The following GRM7 variants were observed in gnomAD, a reference collection of about 807,000 sequenced individuals.
GRM7 encodes glutamate metabotropic receptor 7.
A neutral mutation model predicts 84.5 loss-of-function variants in GRM7; 35 were observed. That is an observed-to-expected ratio of 0.41 (90% CI 0.32 to 0.55). The LOEUF is 0.55. Among genes scored for constraint, GRM7 ranks in the 20% least tolerant of loss-of-function variants. GRM7 has a pLI of 0.19. For synonymous variants in GRM7, 487 were observed against 455.1 expected (o/e 1.07, Z -0.89); for missense variants, 1,003 against 1,194.6 (o/e 0.84, Z 2.36).
At chr3:7,116,136 C>T (rs1213065696) in intron 1 of GRM7, among the ~76,000 whole-genome samples, 1 of 152,134 alleles carries the variant, frequency 6.6e-6, no homozygotes, top group African/African-American at 2.4e-5. Flanking sequence ...GACGGAAATA[C>T]TCAGACTGTA....
chr3:7,235,189 C>T (rs533050846), intron 2 of GRM7, among the ~76,000 whole-genome samples: 1 of 152,178 alleles, frequency 6.6e-6, no homozygotes, highest in African/African-American at 2.4e-5. Context: ...GCAGGATCTG[C>T]GAGTGCCTTC....
chr3:6,971,200 C>CA (rs1475536952), intron 1 of GRM7, among the ~76,000 whole-genome samples: 1 of 151,004 alleles, frequency 6.6e-6, no homozygotes, highest in African/African-American at 2.4e-5. Context: ...AAAATAACAA[C>CA]AAAGCACTTT....
intron 1 of GRM7, among the ~76,000 whole-genome samples, chr3:7,141,828 G>GAATT (rs1463608884): frequency 6.6e-6 from 1 of 151,846 alleles, no homozygotes; most frequent in African/African-American, 2.4e-5. Context: ...TGTCATTAAA[G>GAATT]AATTATTAAT....
chr3:7,290,757 C>G (rs1699592079), intron 2 of GRM7, among the ~76,000 whole-genome samples: 2 of 152,160 alleles, frequency 1.3e-5, no homozygotes, highest in South Asian at 4.1e-4. Context: ...AAAATGCTCT[C>G]TACATTCTGG....
chr3:7,441,343 T>C (rs181148682), intron 5 of GRM7, among the ~76,000 whole-genome samples: 76 of 152,254 alleles, frequency 5.0e-4, no homozygotes, highest in African/African-American at 1.7e-3. Flanking sequence ...GATTATTTGG[T>C]TTTTGCTTGT....
chr3:7,181,231 T>C (rs1695327459), intron 2 of GRM7, among the ~76,000 whole-genome samples: 1 of 152,322 alleles, frequency 6.6e-6, no homozygotes, highest in East Asian at 1.9e-4. Context: ...AGGGGACATA[T>C]GGCATCCCAT....
intron 5 of GRM7, among the ~76,000 whole-genome samples, chr3:7,426,198 C>G (rs1696603824): frequency 6.6e-6 from 1 of 152,002 alleles, no homozygotes; most frequent in Non-Finnish European, 1.5e-5. Context: ...CGGCTCACCA[C>G]AACCTCTGTC....
chr3:7,645,257 A>C (rs1237749054), intron 8 of GRM7, among the ~76,000 whole-genome samples: 1 of 152,036 alleles, frequency 6.6e-6, no homozygotes, highest in Admixed American at 6.6e-5. Context: ...TGAATTTTCT[A>C]CTGTCAGTTG....
intron 9 of GRM7, among the ~76,000 whole-genome samples, chr3:7,706,741 A>G (rs748435909): frequency 6.6e-6 from 1 of 152,182 alleles, no homozygotes; most frequent in Admixed American, 6.5e-5. Context: ...CTGGTGCTCC[A>G]TTATGTTTGC....
At chr3:7,701,698 C>T (rs1701236001) in intron 9 of GRM7, among the ~76,000 whole-genome samples, 1 of 152,052 alleles carries the variant, frequency 6.6e-6, no homozygotes, top group Admixed American at 6.6e-5. Context: ...CAGAAAACTC[C>T]CTGTGGATGG....
At chr3:6,978,635 TA>T (rs1173315276) in intron 1 of GRM7, among the ~76,000 whole-genome samples, 1 of 152,200 alleles carries the variant, frequency 6.6e-6, no homozygotes, top group African/African-American at 2.4e-5. Flanking sequence ...TGTTTTATCT[TA>T]CCACTTTTCT....
intron 1 of GRM7, among the ~76,000 whole-genome samples, chr3:6,881,632 A>G (rs1471197138): frequency 1.3e-5 from 2 of 152,146 alleles, no homozygotes; most frequent in African/African-American, 2.4e-5. Context: ...GGCAAAGGAC[A>G]TGAACAGATA....
At chr3:6,869,309 A>C (rs977558898) in intron 1 of GRM7, among the ~76,000 whole-genome samples, 2 of 152,182 alleles carry the variant, frequency 1.3e-5, no homozygotes, top group Non-Finnish European at 2.9e-5. Flanking sequence ...GTATAATAAA[A>C]ATGTACCTGT....
At chr3:7,331,083 T>C (rs1485055290) in intron 4 of GRM7, among the ~76,000 whole-genome samples, 1 of 152,218 alleles carries the variant, frequency 6.6e-6, no homozygotes, top group Non-Finnish European at 1.5e-5. Flanking sequence ...GTTACCTGTG[T>C]TCCCCAGGAG....
intron 9 of GRM7, among the ~76,000 whole-genome samples, chr3:7,691,743 G>A (rs767701849): frequency 3.9e-5 from 6 of 151,986 alleles, no homozygotes; most frequent in Admixed American, 2.6e-4. Flanking sequence ...TCACTGCAAC[G>A]TCTGCCTCCT....
intron 2 of GRM7, among the ~76,000 whole-genome samples, chr3:7,238,432 AT>A (rs113085164): frequency 6.6e-6 from 1 of 151,772 alleles, no homozygotes; most frequent in Non-Finnish European, 1.5e-5. Flanking sequence ...CTAGAAAGCT[AT>A]TTTTTCACCA....
At chr3:7,405,716 A>G (rs1448970465) in intron 4 of GRM7, among the ~76,000 whole-genome samples, 1 of 152,166 alleles carries the variant, frequency 6.6e-6, no homozygotes, top group African/African-American at 2.4e-5. Context: ...TTTTGGAGAG[A>G]TAATATTTTA....
In GRM7 at chr3:7,094,548, A is replaced by G. The variant is rs138195806; in HGVS notation, c.520-51904A>G. ...ATACGTTACCTACTGCCAGGTTTAT[A>G]CTCTTTTCCCTGTACTAGTTGCACT... On this transcript the variant is annotated intron_variant, in intron 1 of 9. Coordinates refer to ENST00000357716, the MANE Select transcript of GRM7 (RefSeq NM_000844.4). Among the ~76,000 whole-genome samples the G allele has an allele frequency of 3.6e-3, 549 of 152,194 alleles. 3 individuals carry two copies. Among genetic ancestry groups the G allele is most frequent in the African/African-American group, 0.013 (525 of 41,526 alleles).
At chr3:7,509,148 G>T (rs1868619) in intron 7 of GRM7, among the ~76,000 whole-genome samples, 109,801 of 151,990 alleles carry the variant, frequency 0.72, 40,167 homozygotes, top group African/African-American at 0.8. Flanking sequence ...ACTTAGTAAC[G>T]ATCTCAGTTA....
Sources: allele counts gnomAD v4.1 joint callset (sites outside exome capture counted in the v4.1 genomes callset), GRCh38; gene constraint gnomAD v4.1.1; transcripts MANE v1.5; gene names NCBI Gene and HGNC (gene_info 2026-07-23, HGNC 2026-07-21).